Variants in FBXL19 observed in about 807,000 individuals in gnomAD.
FBXL19 encodes the protein F-box/LRR-repeat protein 19.
In FBXL19, 16 loss-of-function variants were observed where a neutral mutation model predicts 71.2. That is an observed-to-expected ratio of 0.22 (90% CI 0.15 to 0.34). The LOEUF is 0.34. Among genes scored for constraint, FBXL19 ranks in the 10% least tolerant of loss-of-function variants. The probability of loss-of-function intolerance (pLI) is 1.00; values close to 1 mark genes in which losing one functional copy is unlikely to be tolerated. For synonymous variants in FBXL19, 447 were observed against 409.4 expected (o/e 1.09, Z -1.11); for missense variants, 658 against 968.2 (o/e 0.68, Z 4.25).
chr16:30,942,627 A>G lies in FBXL19; in HGVS notation c.1627+91A>G. 13 of 1,437,554 alleles carry G rather than the reference A, an allele frequency of 9.0e-6. No individual in the cohort carries two copies. The highest frequency in any genetic ancestry group is 1.2e-5 in the Non-Finnish European group (13 of 1,097,166). The allele number at this position is 1,437,554 out of a possible 1,614,324, so 89.0% of individuals were successfully genotyped here. On this transcript the variant is annotated intron_variant, in intron 9 of 10. Transcript: ENST00000338343. The surrounding 1 kb of genome is among the most constrained non-coding windows in gnomAD (Gnocchi z 5.7). ...TCTCTTCTGACTCATGCTGGATGGT[A>G]AAGTATTTGAAGAAAGGAAAGAATA... is the stretch of plus-strand genomic sequence containing the variant.
In FBXL19 at chr16:30,946,008, G is replaced by A. The variant is rs1172205206; in HGVS notation, c.1628-722G>A. ...TGCATTGCTATAAAGAAATACCTTC[G>A]GCTGGGTAATTTATAAAGAAAAGAG... On this transcript the variant is annotated intron_variant, in intron 9 of 10. Coordinates refer to ENST00000338343, the MANE Select transcript of FBXL19 (RefSeq NM_001382779.1). The surrounding 1 kb of genome is among the most constrained non-coding windows in gnomAD (Gnocchi z 6.7). Among the ~76,000 whole-genome samples the A allele has an allele frequency of 2.0e-5, 3 of 151,988 alleles. No homozygotes were observed. Among genetic ancestry groups the A allele is most frequent in the African/African-American group, 4.8e-5 (2 of 41,364 alleles).
In FBXL19 at chr16:30,933,036, T is replaced by C. The variant is rs1000940382; in HGVS notation, c.1301+2452T>C. Among the ~76,000 whole-genome samples the C allele has an allele frequency of 6.6e-5, 10 of 151,796 alleles. No individual in the cohort carries two copies. The East Asian group carries it at 1.4e-3, about 21-fold the overall frequency. On this transcript the variant is annotated intron_variant, in intron 7 of 10. Transcript: ENST00000338343. ...TTTTTTTTGAGATGGAGTCTTGCTCTGTCACCCAGGCTGGAGTGCCTTGGC... is the reference window on the plus strand; with the variant it reads ...TTTTTTTTGAGATGGAGTCTTGCTCCGTCACCCAGGCTGGAGTGCCTTGGC...
intron 7 of FBXL19, among the ~76,000 whole-genome samples, chr16:30,937,076 A>G (rs12917722): frequency 0.33 from 50,717 of 151,942 alleles, 11,170 homozygotes; most frequent in East Asian, 0.9. Context: ...GGAGATGATG[A>G]TGGTAATGTT....
At chr16:30,937,754 C>T (rs1465725176) in intron 7 of FBXL19, among the ~76,000 whole-genome samples, 2 of 152,070 alleles carry the variant, frequency 1.3e-5, no homozygotes, top group African/African-American at 4.8e-5. Context: ...TATAGGTGGG[C>T]AGGTGTGTGG....
chr16:30,927,970 C>T lies in FBXL19; in HGVS notation c.627+7C>T, dbSNP rs2055616651. On this transcript the variant is annotated splice_region_variant and intron_variant, in intron 5 of 10. Transcript: ENST00000338343. ...TCCCACCCCAAGGAAAAAGGTGAGC[C>T]ACGGAGCACGCTCACTAGGCTTGTC... 2.7e-6 allele frequency: 4 copies of T among 1,485,442 alleles called. No individual in the cohort carries two copies. The highest frequency in any genetic ancestry group is 1.5e-5 in the African/African-American group (1 of 66,866). The allele number at this position is 1,485,442 out of a possible 1,614,324, so 92.0% of individuals were successfully genotyped here.
chr16:30,931,979 G>A (rs1414660503), intron 7 of FBXL19, among the ~76,000 whole-genome samples: 5 of 150,842 alleles, frequency 3.3e-5, no homozygotes, highest in African/African-American at 9.8e-5. Context: ...GACCTGAAGC[G>A]ATCCGCCCGC....
intron 7 of FBXL19, among the ~76,000 whole-genome samples, chr16:30,939,102 C>T (rs904780052): frequency 1.7e-4 from 25 of 150,544 alleles, no homozygotes; most frequent in African/African-American, 4.6e-4. Flanking sequence ...GACAGAGTCT[C>T]GCTCTGTCAC....
Position 30,947,301 on chromosome 16 carries a change from G to GA in FBXL19, c.*72dup, listed in dbSNP as rs946455162. 1 of 1,328,788 alleles carries GA rather than the reference G, an allele frequency of 7.5e-7. No individual in the cohort carries two copies. Among genetic ancestry groups the GA allele is most frequent in the African/African-American group, 1.5e-5 (1 of 68,084 alleles). 82.3% of individuals were successfully genotyped at this position (1,328,788 alleles called of 1,614,324 possible). ...TCCGGCTTCATTTCACCCCTGCTGG[G>GA]AGGCCAGGTTCCCACCTCACCACCC... On this transcript the variant is annotated 3_prime_UTR_variant, in exon 11 of 11. Coordinates refer to ENST00000338343, the MANE Select transcript of FBXL19 (RefSeq NM_001382779.1).
At chr16:30,926,242 C>T (rs1450394806) in intron 2 of FBXL19, among the ~76,000 whole-genome samples, 2 of 152,116 alleles carry the variant, frequency 1.3e-5, no homozygotes, top group Non-Finnish European at 2.9e-5. Flanking sequence ...CAGGAGGGGG[C>T]CCATCCCCAG....
At chr16:30,927,709 G>A in intron 4 of FBXL19, 36 bp from the exon 5 acceptor site, 1 of 1,556,524 alleles carries the variant, frequency 6.4e-7, no homozygotes, top group Non-Finnish European at 8.7e-7. Context: ...TTGGGGAGCT[G>A]TGCAGGTCCT....
rs1226468991 is a variant in FBXL19, at chr16:30,925,784, C to T, written c.30C>T (p.Ala10=). 1.2e-5 allele frequency: 18 copies of T among 1,488,058 alleles called. No individual in the cohort carries two copies. The highest frequency in any genetic ancestry group is 1.3e-5 in the Non-Finnish European group (15 of 1,123,212). The allele number at this position is 1,488,058 out of a possible 1,614,324, so 92.2% of individuals were successfully genotyped here. The change falls in exon 2 of 11, where the codon GCC becomes GCT. Residue 10 remains alanine, a synonymous_variant. Transcript: ENST00000338343. The surrounding 1 kb of genome is among the most constrained non-coding windows in gnomAD (Gnocchi z 5.0). MSSSSRGPG[A]GARRRRTRCR... is the part of the protein sequence containing the mutation. ...CGTCGAGCAGCCGGGGGCCGGGGGC[C>T]GGAGCGCGCCGACGCCGAACCCGCT...
At chr16:30,928,874 C>A (rs1442117047) in intron 6 of FBXL19, among the ~76,000 whole-genome samples, 1 of 152,192 alleles carries the variant, frequency 6.6e-6, no homozygotes, top group African/African-American at 2.4e-5. Flanking sequence ...CCAAGCCTTA[C>A]AGGGGAGAGA....
At chr16:30,939,112 C>T (rs2055770737) in intron 7 of FBXL19, among the ~76,000 whole-genome samples, 1 of 152,054 alleles carries the variant, frequency 6.6e-6, no homozygotes. Context: ...CGCTCTGTCA[C>T]CCAGGCTGGA....
In FBXL19 at chr16:30,935,215, G is replaced by A. The variant is rs750888630; in HGVS notation, c.1301+4631G>A. Among the ~76,000 whole-genome samples, 9 of 152,182 alleles carry A rather than the reference G, an allele frequency of 5.9e-5. No homozygotes were observed. The East Asian group carries it at 7.7e-4, about 13-fold the overall frequency. On this transcript the variant is annotated intron_variant, in intron 7 of 10. Coordinates refer to ENST00000338343, the MANE Select transcript of FBXL19 (RefSeq NM_001382779.1). ...CAGCTTCCAGGCAGGGACTTGATTC[G>A]TTTGTTCCTGTTGTGTTCCTGGTGT...
At chr16:30,932,416 C>G (rs2055685578) in intron 7 of FBXL19, among the ~76,000 whole-genome samples, 1 of 152,212 alleles carries the variant, frequency 6.6e-6, no homozygotes, top group African/African-American at 2.4e-5. Flanking sequence ...AGCTCTGTGC[C>G]TGGCATGTGG....
Position 30,927,373 on chromosome 16 carries a change from G to A in FBXL19, c.243G>A (p.Glu81=), listed in dbSNP as rs765511827. The change falls in exon 3 of 11, where the codon GAG becomes GAA. Residue 81 remains glutamate, a synonymous_variant. Coordinates refer to ENST00000338343, the MANE Select transcript of FBXL19 (RefSeq NM_001382779.1). ...CGEAGKEDTV[E]GEEEKFGLSL... ...AGGCTGGGAAGGAGGACACGGTGGA[G>A]GGAGAGGAAGAGAAATTTGGTTTGA... 1.3e-6 allele frequency: 2 copies of A among 1,592,932 alleles called. No homozygotes were observed. The highest frequency in any genetic ancestry group is 1.7e-6 in the Non-Finnish European group (2 of 1,169,652).
Position 30,928,606 on chromosome 16 carries a change from G to A in FBXL19, c.767G>A (p.Gly256Glu), listed in dbSNP as rs1328700237. 6.3e-7 allele frequency: 1 copy of A among 1,594,712 alleles called. No individual in the cohort carries two copies. Among genetic ancestry groups the A allele is most frequent in the African/African-American group, 1.4e-5 (1 of 73,706 alleles). ...CAGGCTTTCTCATCCTGCCACCCTG[G>A]GCTCCCTCCCGAGAACTGGGAGGTG... ...PSQAFSSCHP[G>E]LPPENWEKPK... The change falls in exon 6 of 11, where the codon GGG becomes GAG. Residue 256 changes from glycine (G) to glutamate (E), a missense_variant. Coordinates refer to ENST00000338343, the MANE Select transcript of FBXL19 (RefSeq NM_001382779.1).
At position 30,927,941 on chromosome 16, in the gene FBXL19, A is replaced by G; in HGVS notation, c.605A>G (p.Glu202Gly). ...CGAAAGGAAAGGGAGGCAGGGAATGAGCCTCCCACCCCAAGGAAAAAGGTG... is the reference window on the plus strand; with the variant it reads ...CGAAAGGAAAGGGAGGCAGGGAATGGGCCTCCCACCCCAAGGAAAAAGGTG... ...PKRKEREAGN[E>G]PPTPRKKVKG... is the part of the protein sequence containing the mutation. The change falls in exon 5 of 11, where the codon GAG (glutamate) becomes GGG (glycine). Residue 202 changes from glutamate to glycine, a missense_variant. Glu to Gly is a moderately conservative substitution (Grantham distance 98, BLOSUM62 -2). This residue lies in a region of FBXL19 where 447 missense variants were observed against 515.4 expected (regional missense o/e 0.87). Transcript: ENST00000338343. 1 of 1,533,406 alleles carries G rather than the reference A, an allele frequency of 6.5e-7. No individual in the cohort carries two copies. The highest frequency in any genetic ancestry group is 8.7e-7 in the Non-Finnish European group (1 of 1,147,974). 95.0% of individuals were successfully genotyped at this position (1,533,406 alleles called of 1,614,324 possible).
At chr16:30,940,245 C>T (rs13336347) in intron 7 of FBXL19, among the ~76,000 whole-genome samples, 2 of 149,340 alleles carry the variant, frequency 1.3e-5, no homozygotes, top group African/African-American at 2.5e-5. Flanking sequence ...GCAACAAGAG[C>T]GAAACTCTGT....
Sources: gnomAD v4.1 joint callset for allele counts (sites outside exome capture counted in the v4.1 genomes callset) on GRCh38, gnomAD v4.1.1 for gene constraint, gnomAD v4.1.1 regional missense constraint, Gnocchi (gnomAD v3.1) non-coding constraint, MANE v1.5 for transcripts, NCBI Gene and HGNC (gene_info 2026-07-23, HGNC 2026-07-21) for gene names.